The following POU2F2 variants were observed in gnomAD, a reference collection of about 807,000 sequenced individuals.
POU2F2 encodes POU class 2 homeobox 2, also known as POU domain, class 2, transcription factor 2.
A neutral mutation model predicts 63.5 loss-of-function variants in POU2F2; 14 were observed. The ratio of observed to expected loss-of-function variants is 0.22; its 90% CI spans 0.15 to 0.34. POU2F2 has a LOEUF of 0.34. Ranked by LOEUF, POU2F2 falls within the 10% of genes least tolerant of loss-of-function variation. POU2F2 has a pLI of 1.00. For missense variants in POU2F2, 607 were observed against 815.2 expected (o/e 0.74, Z 3.11); for synonymous variants, 306 against 348.6 (o/e 0.88, Z 1.36).
rs1350236418 is a variant in POU2F2 at position 42,155,247 on chromosome 19, TTC to T, written c.-9+5083_-9+5084del. The stretch of plus-strand genomic sequence containing the variant: ...CAGCTCGCATGCACGCGCCCTCTCT[TTC>T]TCTCTGTTCCTTTCTGTCTCTGAGT... On this transcript the variant is annotated intron_variant, in intron 2 of 6. Transcript: ENST00000524801. This position sits in a 1 kb window ranked among gnomAD's most constrained non-coding sequence, Gnocchi z 4.2. Among the ~76,000 whole-genome samples, 2 of 152,252 alleles carry T rather than the reference TTC, an allele frequency of 1.3e-5. No homozygotes were observed. Among genetic ancestry groups the T allele is most frequent in the East Asian group, 1.9e-4 (1 of 5,202 alleles).
At position 42,095,581 on chromosome 19, in the gene POU2F2, T is replaced by G. The variant is rs759078148; in HGVS notation, c.984A>C (p.Thr328=). ...TCTTCTCTAAGGCGAAGCGGACGTT[T>G]GTCTCGATGCTGGTCCTCTTCTTGC... is the stretch of plus-strand genomic sequence containing the variant. ...RRRKKRTSIE[T]NVRFALEKSF... Residue 328 remains threonine, a synonymous_variant, in exon 10 of 15, where the codon ACA becomes ACC. Coordinates refer to ENST00000692977, the MANE Select transcript of POU2F2 (RefSeq NM_001394376.1). The surrounding 1 kb of genome is among the most constrained non-coding windows in gnomAD (Gnocchi z 7.1). 29 of 1,610,356 alleles carry G rather than the reference T, an allele frequency of 1.8e-5. No individual in the cohort carries two copies. The highest frequency in any genetic ancestry group is 6.8e-6 in the Non-Finnish European group (8 of 1,178,410).
intron 1 of POU2F2, among the ~76,000 whole-genome samples, chr19:42,190,313 CTA>C (rs143152269): frequency 2.2e-4 from 33 of 149,552 alleles, no homozygotes; most frequent in South Asian, 4.3e-4. Flanking sequence ...GTATAAAAAC[CTA>C]TATATATATA....
chr19:42,197,263 T>C (rs1214109774), upstream of POU2F2, among the ~76,000 whole-genome samples: 3 of 152,186 alleles, frequency 2.0e-5, no homozygotes, highest in Non-Finnish European at 4.4e-5. Context: ...CCTCTCTCAG[T>C]CCATTTCACA....
At chr19:42,132,092 CAT>C (rs1260472242) in intron 1 of POU2F2, among the ~76,000 whole-genome samples, 1 of 152,214 alleles carries the variant, frequency 6.6e-6, no homozygotes, top group African/African-American at 2.4e-5. Context: ...TGGTTCTCCA[CAT>C]GAGGGCCCGC....
At chr19:42,120,395 AT>A (rs939273380) in intron 4 of POU2F2, among the ~76,000 whole-genome samples, 5 of 151,904 alleles carry the variant, frequency 3.3e-5, no homozygotes, top group Non-Finnish European at 5.9e-5. Context: ...TAATTTTTGT[AT>A]TTTTAGTAGA....
At chr19:42,183,448 A>C (rs1020904604) in intron 1 of POU2F2, among the ~76,000 whole-genome samples, 6 of 152,220 alleles carry the variant, frequency 3.9e-5, no homozygotes, top group African/African-American at 7.2e-5. Context: ...GAGGGGACTG[A>C]CAGCAAAGGC....
rs879430413 is a variant in POU2F2, at chr19:42,109,394, CCT to C, written c.369+7854_369+7855del. Reference sequence around the variant, plus strand: ...AAATTGTGACCAGCTCTGGATCTTCCCTCTCTAAGACAAGTTAAGTCCAGAGT... The same window carrying C: ...AAATTGTGACCAGCTCTGGATCTTCCCTCTAAGACAAGTTAAGTCCAGAGT... On this transcript the variant is annotated intron_variant, in intron 5 of 14. Coordinates refer to ENST00000692977, the MANE Select transcript of POU2F2 (RefSeq NM_001394376.1). Among the ~76,000 whole-genome samples the C allele has an allele frequency of 2.2e-3, 339 of 152,276 alleles. 3 individuals are homozygous for C. The highest frequency in any genetic ancestry group is 7.8e-3 in the African/African-American group (324 of 41,552).
intron 13 of POU2F2, 37 bp from the exon 14 acceptor site, chr19:42,091,977 G>T (rs775047148): frequency 6.5e-7 from 1 of 1,535,768 alleles, no homozygotes; most frequent in Non-Finnish European, 8.8e-7. Context: ...GCAGGGGCAG[G>T]GACCTGCCAA....
At chr19:42,145,320 G>T (rs983130573) in intron 2 of POU2F2, among the ~76,000 whole-genome samples, 1 of 152,198 alleles carries the variant, frequency 6.6e-6, no homozygotes, top group Admixed American at 6.5e-5. Flanking sequence ...TGCAAAGACT[G>T]CTGAGTCCTA....
At chr19:42,160,833 G>A (rs563602914) in intron 1 of POU2F2, among the ~76,000 whole-genome samples, 19 of 152,308 alleles carry the variant, frequency 1.2e-4, no homozygotes, top group Admixed American at 9.8e-4. Context: ...GGACTGCTAC[G>A]AGGAACAAAT....
In POU2F2 at chr19:42,096,118, G is replaced by A. The variant is rs1044578408; in HGVS notation, c.693C>T (p.Thr231=). The A allele has an allele frequency of 1.2e-6, 2 of 1,613,826 alleles. No individual in the cohort carries two copies. Among genetic ancestry groups the A allele is most frequent in the Non-Finnish European group, 1.7e-6 (2 of 1,179,850 alleles). ...DLEELEQFAR[T]FKQRRIKLGF... ...CCAGCTTGATGCGGCGTTGCTTGAA[G>A]GTGCGGGCGAATTGCTCCAGCTCCT... The change falls in exon 8 of 15, where the codon ACC becomes ACT. Residue 231 remains threonine, a synonymous_variant. Transcript: ENST00000692977. The surrounding 1 kb of genome is among the most constrained non-coding windows in gnomAD (Gnocchi z 4.1).
upstream of POU2F2, among the ~76,000 whole-genome samples, chr19:42,179,086 G>C (rs961835385): frequency 1.3e-5 from 2 of 152,140 alleles, no homozygotes; most frequent in African/African-American, 4.8e-5. Context: ...AGGTCTGGTA[G>C]ACAAGGCTGG....
intron 5 of POU2F2, chr19:42,110,619 C>T (rs1457483445): frequency 2.2e-5 from 9 of 412,016 alleles, no homozygotes; most frequent in Admixed American, 8.3e-5. Flanking sequence ...TACAGGATCA[C>T]GATGCAAGTT....
intron 1 of POU2F2, 132 bp downstream of exon 1, chr19:42,132,252 G>C: frequency 9.9e-7 from 1 of 1,008,628 alleles, no homozygotes; most frequent in South Asian, 1.6e-5. Flanking sequence ...GCATGGGAGA[G>C]AGGGAGTTGC....
chr19:42,134,962 C>T (rs1473007459), upstream of POU2F2, among the ~76,000 whole-genome samples: 3 of 151,992 alleles, frequency 2.0e-5, no homozygotes, highest in Non-Finnish European at 4.4e-5. Flanking sequence ...GCCAGCCCAC[C>T]GGGGACAGCA....
chr19:42,151,835 G>A lies in POU2F2; in HGVS notation c.-9+8497C>T, dbSNP rs530175783. On this transcript the variant is annotated intron_variant, in intron 2 of 6. Transcript: ENST00000524801. ...GGCTGAGGAAAAAGTGAGGCTAAGC[G>A]TTCTCCTCTCTTAAGCCAGTGGGCA... Among the ~76,000 whole-genome samples the A allele has an allele frequency of 2.7e-4, 41 of 152,278 alleles. 1 individual carries two copies. In the South Asian group the frequency reaches 7.9e-3, roughly 29 times the overall value.
At chr19:42,138,800 G>A (rs774300645) in intron 2 of POU2F2, among the ~76,000 whole-genome samples, 3 of 152,078 alleles carry the variant, frequency 2.0e-5, no homozygotes, top group Non-Finnish European at 4.4e-5. Context: ...AGGGAAGCAG[G>A]GGGAAGACAC....
intron 2 of POU2F2, among the ~76,000 whole-genome samples, chr19:42,149,468 GAC>G (rs1167643072): frequency 6.6e-6 from 1 of 152,116 alleles, no homozygotes; most frequent in Non-Finnish European, 1.5e-5. Flanking sequence ...GGTAGAAAAA[GAC>G]AGAGTGAAAA....
chr19:42,097,778 A>G (rs1220549485), intron 7 of POU2F2, among the ~76,000 whole-genome samples: 2 of 152,202 alleles, frequency 1.3e-5, no homozygotes, highest in Non-Finnish European at 2.9e-5. Context: ...ACTGCACTCC[A>G]GCCTGGGTGA....
Sources: gnomAD v4.1 joint callset for allele counts (sites outside exome capture counted in the v4.1 genomes callset) on GRCh38, gnomAD v4.1.1 for gene constraint, Gnocchi (gnomAD v3.1) non-coding constraint, MANE v1.5 for transcripts, NCBI Gene and HGNC (gene_info 2026-07-23, HGNC 2026-07-21) for gene names.